ZNF385D: variants seen among roughly 807,000 people sequenced by gnomAD.
The protein encoded by ZNF385D is zinc finger protein 385D.
ZNF385D carries 15 observed loss-of-function variants against 35.8 expected under a neutral mutation model. The ratio of observed to expected loss-of-function variants is 0.42; its 90% confidence interval spans 0.28 to 0.64. The LOEUF is 0.64. Among genes scored for constraint, ZNF385D ranks in the 30% least tolerant of loss-of-function variants. The probability of loss-of-function intolerance (pLI) is 0.23; values close to 1 mark genes in which losing one functional copy is unlikely to be tolerated. For synonymous variants in ZNF385D, 212 were observed against 186.8 expected (o/e 1.13, Z -1.10); for missense variants, 474 against 494.6 (o/e 0.96, Z 0.39).
At chr3:22,356,757 C>A (rs145092617) in intron 2 of ZNF385D, among the ~76,000 whole-genome samples, 108 of 151,670 alleles carry the variant, frequency 7.1e-4, no homozygotes, top group African/African-American at 2.6e-3. Flanking sequence ...TTAGTCAATG[C>A]AAAGTGATTA....
chr3:22,251,949 A>G (rs1422346240), intron 2 of ZNF385D, among the ~76,000 whole-genome samples: 1 of 152,108 alleles, frequency 6.6e-6, no homozygotes, highest in Non-Finnish European at 1.5e-5. Flanking sequence ...GACTAAATGG[A>G]TAATGCTTGC....
rs571088846 is a variant in ZNF385D, at chr3:22,065,734, T to C, written c.325+103083A>G. Among the ~76,000 whole-genome samples, 3 of 152,258 alleles carry C rather than the reference T, an allele frequency of 2.0e-5. No homozygotes were observed. In the East Asian group the frequency reaches 5.8e-4, roughly 29 times the overall value. On this transcript the variant is annotated intron_variant, in intron 3 of 5. Coordinates refer to the ZNF385D transcript ENST00000494108. The stretch of plus-strand genomic sequence containing the variant: ...TATTCTCAAAGAACATAACACACAC[T>C]GCATAAAAAAACCAGCACATAAATG...
chr3:22,343,353 C>T (rs2125482692), intron 2 of ZNF385D, among the ~76,000 whole-genome samples: 1 of 152,360 alleles, frequency 6.6e-6, no homozygotes. Context: ...GGTGTCCACA[C>T]ATACTTCCTC....
At chr3:22,342,517 C>T (rs992066278) in intron 2 of ZNF385D, among the ~76,000 whole-genome samples, 4 of 151,978 alleles carry the variant, frequency 2.6e-5, no homozygotes, top group African/African-American at 7.3e-5. Flanking sequence ...TTTAGAAACT[C>T]ATATATATCC....
chr3:22,147,767 T>C (rs1209529979), intron 3 of ZNF385D, among the ~76,000 whole-genome samples: 2 of 152,264 alleles, frequency 1.3e-5, no homozygotes, highest in Admixed American at 1.3e-4. Context: ...TAGGATTGAA[T>C]CTAGATCCTA....
At chr3:21,958,275 G>A (rs1415680510) in intron 3 of ZNF385D, among the ~76,000 whole-genome samples, 2 of 152,080 alleles carry the variant, frequency 1.3e-5, no homozygotes, top group African/African-American at 2.4e-5. Flanking sequence ...TGGAGTTAGG[G>A]ACACTGGAGA....
chr3:22,198,959 C>G (rs1696601470), intron 2 of ZNF385D, among the ~76,000 whole-genome samples: 1 of 152,054 alleles, frequency 6.6e-6, no homozygotes, highest in Non-Finnish European at 1.5e-5. Context: ...ATAAGTCTGT[C>G]TTAACATCTG....
rs61668943 is a variant in ZNF385D, at chr3:22,180,914, C to CTTT, written c.107-11882_107-11880dup. The stretch of plus-strand genomic sequence containing the variant: ...AATCCAGTAGCTATATGCTTTTGTT[C>CTTT]TTTTTTTTTTTTTTTTAAGAGACAG... On this transcript the variant is annotated intron_variant, in intron 2 of 5. Transcript: ENST00000494108. 3.5e-4 allele frequency among the ~76,000 whole-genome samples: 40 copies of CTTT among 112,966 alleles called. No homozygotes were observed. The East Asian group carries it at 4.0e-3, about 11-fold the overall frequency. The allele number at this position is 112,966 out of a possible 152,430, so 74.1% of individuals were successfully genotyped here.
intron 2 of ZNF385D, among the ~76,000 whole-genome samples, chr3:22,324,912 A>G (rs1372186538): frequency 2.0e-5 from 3 of 152,206 alleles, no homozygotes; most frequent in Non-Finnish European, 2.9e-5. Context: ...CTGGATTTCA[A>G]TCTGGGTTCT....
At chr3:22,272,275 GGGATTAGCA>G (rs1191652513) in intron 2 of ZNF385D, among the ~76,000 whole-genome samples, 1 of 151,940 alleles carries the variant, frequency 6.6e-6, no homozygotes, top group African/African-American at 2.4e-5. Context: ...AACTTAAAAT[GGGATTAGCA>G]GGATGCATCA....
intron 3 of ZNF385D, among the ~76,000 whole-genome samples, chr3:21,992,241 A>C (rs1191317579): frequency 6.6e-6 from 1 of 152,158 alleles, no homozygotes; most frequent in East Asian, 1.9e-4. Flanking sequence ...GTAGAAGTCA[A>C]AGATCAGAAA....
chr3:21,692,014 C>CATAATGTTTTAAGTG (rs1423446993), intron 1 of ZNF385D, among the ~76,000 whole-genome samples: 4 of 152,150 alleles, frequency 2.6e-5, no homozygotes, highest in Non-Finnish European at 5.9e-5. Context: ...CTCCACTTAG[C>CATAATGTTTTAAGTG]ATAATGTTTT....
At chr3:21,994,645 A>G (rs962134817) in intron 3 of ZNF385D, among the ~76,000 whole-genome samples, 31 of 152,182 alleles carry the variant, frequency 2.0e-4, no homozygotes, top group Admixed American at 2.0e-3. Flanking sequence ...ATATCTGCAT[A>G]TCTGATATAA....
intron 4 of ZNF385D, among the ~76,000 whole-genome samples, chr3:21,454,305 C>T (rs940651768): frequency 2.2e-5 from 3 of 134,798 alleles, no homozygotes; most frequent in African/African-American, 5.1e-5. Context: ...ATAGTAAAGG[C>T]CTGTTTGTAT....
intron 2 of ZNF385D, among the ~76,000 whole-genome samples, chr3:22,230,471 C>T (rs1038335389): frequency 2.6e-5 from 4 of 152,084 alleles, no homozygotes; most frequent in African/African-American, 7.2e-5. Flanking sequence ...AGGGGGATTC[C>T]ATCTGTTCTT....
At chr3:21,639,589 C>T (rs2065542562) in intron 2 of ZNF385D, among the ~76,000 whole-genome samples, 1 of 151,854 alleles carries the variant, frequency 6.6e-6, no homozygotes, top group Non-Finnish European at 1.5e-5. Context: ...TTTGAAGATT[C>T]CCTCATTGGT....
At chr3:22,071,415 C>T (rs539901905) in intron 3 of ZNF385D, among the ~76,000 whole-genome samples, 23 of 152,112 alleles carry the variant, frequency 1.5e-4, no homozygotes, top group Non-Finnish European at 3.4e-4. Flanking sequence ...TATTATCCAG[C>T]TTCATACTAG....
chr3:22,280,751 C>G (rs1701696324), intron 2 of ZNF385D, among the ~76,000 whole-genome samples: 2 of 151,910 alleles, frequency 1.3e-5, no homozygotes, highest in Non-Finnish European at 2.9e-5. Context: ...TATGCAGGCA[C>G]TTTTTTGGGT....
chr3:21,680,537 T>C (rs2066865397), intron 1 of ZNF385D, among the ~76,000 whole-genome samples: 1 of 152,188 alleles, frequency 6.6e-6, no homozygotes, highest in Admixed American at 6.6e-5. Flanking sequence ...AACCCACTTC[T>C]TTTAGTGAGG....
Sources: gnomAD v4.1 joint callset for allele counts (sites outside exome capture counted in the v4.1 genomes callset) on GRCh38, gnomAD v4.1.1 for gene constraint, MANE v1.5 for transcripts, NCBI Gene and HGNC (gene_info 2026-07-23, HGNC 2026-07-21) for gene names.